YAF2: variants seen among roughly 807,000 people sequenced by gnomAD.
YAF2 encodes YY1-associated factor 2.
A neutral mutation model predicts 20.1 loss-of-function variants in YAF2; 7 were observed. The ratio of observed to expected loss-of-function variants is 0.35; its 90% CI spans 0.20 to 0.65. The LOEUF is 0.65. Ranked by LOEUF, YAF2 falls within the 30% of genes least tolerant of loss-of-function variation. The pLI is 0.69. For missense variants in YAF2, 151 were observed against 219.2 expected (o/e 0.69, Z 1.96); for synonymous variants, 74 against 76.0 (o/e 0.97, Z 0.14).
intron 2 of YAF2, among the ~76,000 whole-genome samples, chr12:42,223,737 A>T (rs2067593299): frequency 6.6e-6 from 1 of 152,102 alleles, no homozygotes; most frequent in Non-Finnish European, 1.5e-5. Context: ...GACATGGATG[A>T]AGCTGGAAAC....
chr12:42,176,797 A>G (rs983845946), intron 2 of YAF2, among the ~76,000 whole-genome samples: 5 of 151,994 alleles, frequency 3.3e-5, no homozygotes, highest in Non-Finnish European at 7.4e-5. Flanking sequence ...CCCCGTCACC[A>G]CTAAAAATAC....
intron 2 of YAF2, among the ~76,000 whole-genome samples, chr12:42,194,434 A>G (rs2066696710): frequency 6.6e-6 from 1 of 152,166 alleles, no homozygotes. Context: ...ACCTGAGGTC[A>G]GGAGTTCGAG....
intron 2 of YAF2, chr12:42,231,989 C>T (rs936260834): frequency 6.6e-6 from 1 of 152,176 alleles, no homozygotes; most frequent in Non-Finnish European, 1.5e-5. Flanking sequence ...GACAAAAAGA[C>T]TAGCTCTGCT....
chr12:42,175,961 T>C (rs909291758), intron 2 of YAF2, among the ~76,000 whole-genome samples: 1 of 151,116 alleles, frequency 6.6e-6, no homozygotes, highest in Non-Finnish European at 1.5e-5. Context: ...ACATATCCAC[T>C]TGGGGCTAGG....
At chr12:42,183,798 T>C (rs1031095068) in intron 2 of YAF2, among the ~76,000 whole-genome samples, 2 of 152,198 alleles carry the variant, frequency 1.3e-5, no homozygotes, top group East Asian at 3.8e-4. Flanking sequence ...CAAAAAAGCA[T>C]TATTGAAAGA....
At chr12:42,196,450 G>C (rs2066755751) in intron 2 of YAF2, among the ~76,000 whole-genome samples, 1 of 152,112 alleles carries the variant, frequency 6.6e-6, no homozygotes, top group African/African-American at 2.4e-5. Flanking sequence ...AAGAAGTGTG[G>C]ACCATGTTAA....
intron 3 of YAF2, chr12:42,161,042 T>A (rs1204236147): frequency 4.9e-6 from 1 of 205,644 alleles, no homozygotes; most frequent in Non-Finnish European, 8.6e-6. Context: ...ACCAAAAAAC[T>A]GTGACAGCCT....
chr12:42,194,136 G>A (rs1234005177), intron 2 of YAF2, among the ~76,000 whole-genome samples: 1 of 152,090 alleles, frequency 6.6e-6, no homozygotes, highest in East Asian at 1.9e-4. Context: ...AGCTCATAAA[G>A]TAAAAACATT....
At chr12:42,228,117 C>A (rs2067812209) in intron 2 of YAF2, among the ~76,000 whole-genome samples, 1 of 79,918 alleles carries the variant, frequency 1.3e-5, no homozygotes, top group Non-Finnish European at 2.4e-5. Flanking sequence ...GCCCCTCTGC[C>A]CGGCCAGCCG....
At chr12:42,207,706 C>A (rs1309507020) in intron 2 of YAF2, among the ~76,000 whole-genome samples, 4 of 151,848 alleles carry the variant, frequency 2.6e-5, no homozygotes, top group East Asian at 1.9e-4. Flanking sequence ...TCCTGGCTAA[C>A]ACGGTGAAAC....
At chr12:42,232,875 A>T in intron 2 of YAF2, 1 of 985,324 alleles carries the variant, frequency 1.0e-6, no homozygotes, top group Non-Finnish European at 1.2e-6. Flanking sequence ...TCAGTTATAA[A>T]CAACATATAT....
Position 42,238,148 on chromosome 12 carries a change from C to T in YAF2, c.26+7G>A. 6.5e-7 allele frequency: 1 copy of T among 1,543,892 alleles called. No individual in the cohort carries two copies. The highest frequency in any genetic ancestry group is 8.7e-7 in the Non-Finnish European group (1 of 1,147,028). ...CAGTCCGGGCCCCGGGGCCCGGGCG[C>T]TGTTACCTGGTGGGGCTCTTCTTGT... On this transcript the variant is annotated splice_region_variant and intron_variant, in intron 1 of 3. Transcript: ENST00000534854.
At chr12:42,237,487 T>C (rs1592079231) in intron 2 of YAF2, 112 bp downstream of exon 2, 1 of 1,362,648 alleles carries the variant, frequency 7.3e-7, no homozygotes, top group African/African-American at 1.5e-5. Flanking sequence ...CACCTCCGTC[T>C]GCCTCCTCCC....
intron 2 of YAF2, among the ~76,000 whole-genome samples, chr12:42,186,413 G>C (rs2066475972): frequency 6.6e-6 from 1 of 151,864 alleles, no homozygotes. Context: ...TATAAGGGTT[G>C]ATCAAGAAAA....
At chr12:42,221,624 T>C (rs2067517552) in intron 2 of YAF2, among the ~76,000 whole-genome samples, 1 of 152,170 alleles carries the variant, frequency 6.6e-6, no homozygotes, top group Non-Finnish European at 1.5e-5. Flanking sequence ...GATCAACTAC[T>C]GACCCAAGTC....
intron 2 of YAF2, among the ~76,000 whole-genome samples, chr12:42,173,623 T>C (rs1367319988): frequency 6.6e-6 from 1 of 152,190 alleles, no homozygotes; most frequent in African/African-American, 2.4e-5. Context: ...TGTTCCTCTT[T>C]ATCATACCCA....
At chr12:42,187,620 G>A (rs926220049) in intron 2 of YAF2, among the ~76,000 whole-genome samples, 2 of 152,142 alleles carry the variant, frequency 1.3e-5, no homozygotes, top group African/African-American at 4.8e-5. Context: ...TGATACTTAC[G>A]TAAAAATCCT....
chr12:42,234,815 C>A lies in YAF2; in HGVS notation c.152+2784G>T, dbSNP rs971050403. On this transcript the variant is annotated intron_variant, in intron 2 of 3. Coordinates refer to ENST00000534854, the MANE Select transcript of YAF2 (RefSeq NM_005748.6). ...CTAGCCTAGGCAACATAGAGATCCC[C>A]CATCTCTACAAAAAATAAGAAAATT... The A allele has an allele frequency of 9.2e-6, 7 of 764,938 alleles. No individual in the cohort carries two copies. In the Admixed American group the frequency reaches 4.4e-4, roughly 48 times the overall value. The allele number at this position is 764,938 out of a possible 1,614,324, so 47.4% of individuals were successfully genotyped here.
At chr12:42,196,937 G>A (rs971185792) in intron 2 of YAF2, among the ~76,000 whole-genome samples, 1 of 152,162 alleles carries the variant, frequency 6.6e-6, no homozygotes, top group African/African-American at 2.4e-5. Flanking sequence ...GATTTAAACA[G>A]GAATGGAGAG....
Sources: gnomAD v4.1 joint callset for allele counts (sites outside exome capture counted in the v4.1 genomes callset) on GRCh38, gnomAD v4.1.1 for gene constraint, MANE v1.5 for transcripts, NCBI Gene and HGNC (gene_info 2026-07-23, HGNC 2026-07-21) for gene names.